The following ANK3 variants were observed in gnomAD, a reference collection of about 807,000 sequenced individuals.
The protein encoded by ANK3 is ankyrin-3.
In ANK3, 57 loss-of-function variants were observed where a neutral mutation model predicts 370.9. The ratio of observed to expected loss-of-function variants is 0.15; its 90% confidence interval spans 0.12 to 0.19. The LOEUF is 0.19. ANK3 is among the 10% of genes least tolerant of loss of function. The probability of loss-of-function intolerance (pLI) is 1.00; values close to 1 mark genes in which losing one functional copy is unlikely to be tolerated. For synonymous variants in ANK3, 1,929 were observed against 1,946.3 expected (o/e 0.99, Z 0.23); for missense variants, 4,439 against 5,302.1 (o/e 0.84, Z 5.06).
intron 1 of ANK3, among the ~76,000 whole-genome samples, chr10:60,644,475 G>A (rs965934759): frequency 2.0e-5 from 3 of 151,726 alleles, no homozygotes; most frequent in Non-Finnish European, 2.9e-5. Flanking sequence ...AAACCACTAC[G>A]TTTTAAATTA....
At chr10:60,696,553 C>A (rs2079453294) in intron 1 of ANK3, among the ~76,000 whole-genome samples, 1 of 150,474 alleles carries the variant, frequency 6.6e-6, no homozygotes, top group South Asian at 2.1e-4. Flanking sequence ...GCTTATCCAC[C>A]ATGATCAAGT....
At chr10:60,030,363 C>A in intron 43 of ANK3, among the ~76,000 whole-genome samples, 1 of 152,012 alleles carries the variant, frequency 6.6e-6, no homozygotes, top group East Asian at 1.9e-4. Flanking sequence ...AGGATGGTCT[C>A]GATCTCCTGA....
intron 1 of ANK3, among the ~76,000 whole-genome samples, chr10:60,304,050 A>C (rs2044416726): frequency 6.6e-6 from 1 of 152,136 alleles, no homozygotes; most frequent in Non-Finnish European, 1.5e-5. Flanking sequence ...TACATGAGGA[A>C]TTGAAAAAAG....
chr10:60,501,034 A>T (rs1283596628), intron 2 of ANK3, among the ~76,000 whole-genome samples: 2 of 152,192 alleles, frequency 1.3e-5, no homozygotes, highest in African/African-American at 4.8e-5. Context: ...CATGTCATCA[A>T]ATTGAAACAT....
rs1181995641 is a variant in ANK3, at chr10:60,072,110, G to C, written c.8771C>G (p.Pro2924Arg). Residue 2924 changes from proline (P) to arginine (R), a missense_variant, in exon 37 of 44, where the codon CCC becomes CGC. By Grantham distance (103) the Pro-to-Arg change is moderately radical (BLOSUM62 -2). This residue lies in a region of ANK3 where 1,601 missense variants were observed against 1,731.7 expected (regional missense o/e 0.92). Coordinates refer to ENST00000280772, the MANE Select transcript of ANK3 (RefSeq NM_020987.5). Reference protein sequence around the residue: ...SEIKEMTVKSPSKKVLYREYV... With the variant: ...SEIKEMTVKSRSKKVLYREYV... Reference sequence around the variant, plus strand: ...TTCCCTATATAAGACTTTTTTGGAGGGAGATTTTACAGTCATTTCTTTAAT... The same window carrying C: ...TTCCCTATATAAGACTTTTTTGGAGCGAGATTTTACAGTCATTTCTTTAAT... 4 of 1,613,756 alleles carry C rather than the reference G, an allele frequency of 2.5e-6. No homozygotes were observed. In the East Asian group the frequency reaches 6.7e-5, roughly 27 times the overall value.
intron 16 of ANK3, among the ~76,000 whole-genome samples, chr10:60,189,095 C>T (rs1355922151): frequency 1.3e-5 from 2 of 152,218 alleles, no homozygotes; most frequent in Admixed American, 6.5e-5. Context: ...AGGTTAGTCA[C>T]TTCTCAACCC....
At chr10:60,062,502 T>C (rs2080780666) in intron 40 of ANK3, 1 of 152,232 alleles carries the variant, frequency 6.6e-6, no homozygotes. Flanking sequence ...TTATGCTGCC[T>C]TTGATATACA....
In ANK3 at chr10:60,083,586, C is replaced by T; in HGVS notation, c.4106G>A (p.Cys1369Tyr). 1 of 1,609,364 alleles carries T rather than the reference C, an allele frequency of 6.2e-7. No homozygotes were observed. Among genetic ancestry groups the T allele is most frequent in the South Asian group, 1.1e-5 (1 of 89,966 alleles). Reference sequence around the variant, plus strand: ...GGTAAGTGGGGCCAAATTTCCATAACAATCAACATAAATAGGTTTTCCTTC... The same window carrying T: ...GGTAAGTGGGGCCAAATTTCCATAATAATCAACATAAATAGGTTTTCCTTC... ...VLEGKPIYVDCYGNLAPLTKG... is the reference protein window; with the variant it reads ...VLEGKPIYVDYYGNLAPLTKG... The change falls in exon 33 of 44, where the codon TGT (cysteine) becomes TAT (tyrosine). Residue 1369 changes from cysteine to tyrosine, a missense_variant. Cys to Tyr is a radical substitution (Grantham distance 194). Around this residue, in one of 13 missense-constraint regions of ANK3, gnomAD observed 702 missense variants for 941.5 expected, o/e 0.75. Transcript: ENST00000280772.
At chr10:60,625,752 A>AAC (rs150329196) in intron 1 of ANK3, among the ~76,000 whole-genome samples, 99 of 152,130 alleles carry the variant, frequency 6.5e-4, no homozygotes, top group African/African-American at 2.2e-3. Flanking sequence ...ACTAGAAGGT[A>AAC]ACACACACAC....
chr10:60,598,124 A>T (rs939590583), intron 2 of ANK3, among the ~76,000 whole-genome samples: 6 of 152,200 alleles, frequency 3.9e-5, no homozygotes, highest in Non-Finnish European at 8.8e-5. Context: ...TTTAAAAAAG[A>T]ACAACAACAA....
intron 2 of ANK3, among the ~76,000 whole-genome samples, chr10:60,539,188 T>C (rs2076790784): frequency 6.6e-6 from 1 of 151,928 alleles, no homozygotes; most frequent in South Asian, 2.1e-4. Context: ...GTCGACATTA[T>C]CTTGAAATAG....
intron 1 of ANK3, chr10:60,684,801 T>C: frequency 1.3e-6 from 2 of 1,544,816 alleles, no homozygotes; most frequent in South Asian, 2.3e-5. Flanking sequence ...TTTTATTTCT[T>C]ATGGACTCTG....
At chr10:60,389,392 A>G (rs753213148) in intron 1 of ANK3, 33 bp downstream of exon 1, 1 of 1,595,180 alleles carries the variant, frequency 6.3e-7, no homozygotes, top group Non-Finnish European at 8.6e-7. Flanking sequence ...AAAAGAATCC[A>G]GGCAAGATAT....
intron 17 of ANK3, among the ~76,000 whole-genome samples, chr10:60,185,689 G>C (rs116596461): frequency 6.6e-6 from 1 of 152,164 alleles, no homozygotes; most frequent in African/African-American, 2.4e-5. Context: ...GACAGGGGAG[G>C]TTATCAGAAT....
Position 60,308,210 on chromosome 10 carries a change from C to A in ANK3, c.115-28571G>T, listed in dbSNP as rs373037112. 4.6e-5 allele frequency among the ~76,000 whole-genome samples: 7 copies of A among 151,586 alleles called. No individual in the cohort carries two copies. The South Asian group carries it at 1.5e-3, about 32-fold the overall frequency. On this transcript the variant is annotated intron_variant, in intron 1 of 43. Transcript: ENST00000280772. ...ACATATTCTACTTTCCTTTATCAGCCAAGATAACAGATAAGACAAAGGATA... is the reference window on the plus strand; with the variant it reads ...ACATATTCTACTTTCCTTTATCAGCAAAGATAACAGATAAGACAAAGGATA...
intron 2 of ANK3, among the ~76,000 whole-genome samples, chr10:60,457,733 C>A (rs2064783979): frequency 6.6e-6 from 1 of 152,044 alleles, no homozygotes; most frequent in African/African-American, 2.4e-5. Context: ...AGAATATTCT[C>A]GAAGATTCTA....
intron 23 of ANK3, among the ~76,000 whole-genome samples, chr10:60,157,886 AAGAGAGAGAGAGAGAGAGAG>A (rs59965251): frequency 7.5e-6 from 1 of 132,770 alleles, no homozygotes; most frequent in African/African-American, 2.8e-5. Context: ...GAGAGAGAAA[AAGAGAGAGAGAGAGAGAGAG>A]AGAGAGAGAG....
intron 28 of ANK3, among the ~76,000 whole-genome samples, chr10:60,089,527 G>A (rs1179128092): frequency 6.6e-6 from 1 of 150,928 alleles, no homozygotes; most frequent in African/African-American, 2.4e-5. Flanking sequence ...GTGTTTCAAA[G>A]CCAAATTTTA....
At chr10:60,517,981 G>A (rs10821788) in intron 2 of ANK3, among the ~76,000 whole-genome samples, 35,485 of 152,000 alleles carry the variant, frequency 0.23, 4,556 homozygotes, top group East Asian at 0.47. Context: ...TCATAAACAT[G>A]AGAATAATAC....
Sources: gnomAD v4.1 joint callset for allele counts (sites outside exome capture counted in the v4.1 genomes callset) on GRCh38, gnomAD v4.1.1 for gene constraint, gnomAD v4.1.1 regional missense constraint, MANE v1.5 for transcripts, NCBI Gene and HGNC (gene_info 2026-07-23, HGNC 2026-07-21) for gene names.